The following MTRR variants were observed in gnomAD, a reference collection of about 807,000 sequenced individuals.
The protein encoded by MTRR is methionine synthase reductase.
In MTRR, 63 loss-of-function variants were observed where a neutral mutation model predicts 79.2. The ratio of observed to expected loss-of-function variants is 0.80; its 90% CI spans 0.65 to 0.98. The LOEUF is 0.98. Among genes scored for constraint, MTRR ranks in the 50% least tolerant of loss-of-function variants. The pLI is 0.00. For synonymous variants in MTRR, 355 were observed against 313.3 expected (o/e 1.13, Z -1.41); for missense variants, 895 against 839.6 (o/e 1.07, Z -0.82).
chr5:7,875,890 T>TGG (rs745542230), intron 4 of MTRR, among the ~76,000 whole-genome samples: 17 of 152,234 alleles, frequency 1.1e-4, no homozygotes, highest in Non-Finnish European at 2.5e-4. Flanking sequence ...GACGCATACT[T>TGG]TATCTTTTCA....
intron 14 of MTRR, among the ~76,000 whole-genome samples, chr5:7,897,831 C>T (rs1579833366): frequency 2.0e-5 from 3 of 152,118 alleles, no homozygotes; most frequent in African/African-American, 7.2e-5. Flanking sequence ...AAAATTTCTG[C>T]TAGTTAAAAA....
In MTRR at chr5:7,852,740, G is replaced by T. The variant is rs1257089226; in HGVS notation, n.391+1155G>T. On this transcript the variant is annotated intron_variant and non_coding_transcript_variant, in intron 1 of 3. Coordinates refer to the MTRR transcript ENST00000502509. The stretch of plus-strand genomic sequence containing the variant: ...CCTCATTAAAGCAGCAGCCAAATAT[G>T]TTTTTTTTTTTTAAGCCCTTATAAT... 8.1e-5 allele frequency among the ~76,000 whole-genome samples: 12 copies of T among 148,896 alleles called. No homozygotes were observed. In the South Asian group the frequency reaches 2.6e-3, roughly 32 times the overall value.
upstream of MTRR, chr5:7,866,989 C>A (rs773592462): frequency 1.2e-6 from 2 of 1,614,132 alleles, no homozygotes; most frequent in East Asian, 2.2e-5. Flanking sequence ...CAGGATCCAA[C>A]GTGAGGCACA....
intron 1 of MTRR, chr5:7,856,889 A>G (rs1280390929): frequency 6.6e-6 from 1 of 152,008 alleles, no homozygotes; most frequent in African/African-American, 2.4e-5. Flanking sequence ...GAAGGCAAGG[A>G]AAGGTAAAGA....
intron 2 of MTRR, among the ~76,000 whole-genome samples, chr5:7,872,078 A>G (rs1373062254): frequency 6.6e-6 from 1 of 152,142 alleles, no homozygotes; most frequent in Non-Finnish European, 1.5e-5. Flanking sequence ...GCTGTTCATA[A>G]TCTAATATCC....
intron 5 of MTRR, among the ~76,000 whole-genome samples, chr5:7,882,409 G>T (rs1735731069): frequency 6.6e-6 from 1 of 152,170 alleles, no homozygotes; most frequent in African/African-American, 2.4e-5. Context: ...AGTCTTCTTA[G>T]GGGTACATCT....
At chr5:7,882,870 GTTTAT>G (rs558982572) in intron 5 of MTRR, among the ~76,000 whole-genome samples, 136 of 152,234 alleles carry the variant, frequency 8.9e-4, no homozygotes, top group Non-Finnish European at 1.6e-3. Context: ...CCTTGACGTA[GTTTAT>G]TAGGAAAACT....
chr5:7,879,056 C>G (rs1273409999), intron 5 of MTRR, among the ~76,000 whole-genome samples: 1 of 152,070 alleles, frequency 6.6e-6, no homozygotes, highest in Non-Finnish European at 1.5e-5. Context: ...TTGTAAACAC[C>G]TGGTATGATA....
intron 1 of MTRR, chr5:7,861,679 C>A: frequency 6.3e-7 from 1 of 1,598,398 alleles, no homozygotes; most frequent in South Asian, 1.1e-5. Flanking sequence ...GGAAAAATTC[C>A]TCGTGTGATA....
Position 7,883,231 on chromosome 5 carries a change from C to T in MTRR, c.857C>T (p.Thr286Met), listed in dbSNP as rs79430644. 3.5e-4 allele frequency: 558 copies of T among 1,614,208 alleles called. 1 individual carries two copies. In the African/African-American group the frequency reaches 6.0e-3, roughly 17 times the overall value. Residue 286 changes from threonine (T) to methionine (M), a missense_variant, in exon 6 of 15, where the codon ACG becomes ATG. Physicochemically the swap from Thr to Met is moderately conservative, Grantham distance 81. Coordinates refer to ENST00000440940, the MANE Select transcript of MTRR (RefSeq NM_002454.3). ...ATTTCAAAGGCAGTTCAACTTACTA[C>T]GAATGATGCCATAAAAACCACTCTG... Reference protein sequence around the residue: ...VPISKAVQLTTNDAIKTTLLV... With the variant: ...VPISKAVQLTMNDAIKTTLLV...
chr5:7,861,393 C>A, intron 1 of MTRR: 1 of 607,792 alleles, frequency 1.6e-6, no homozygotes, highest in Admixed American at 3.7e-5. Context: ...TCAAATGAAT[C>A]ATGAATTTGA....
intron 5 of MTRR, among the ~76,000 whole-genome samples, chr5:7,879,358 A>G (rs916658631): frequency 6.6e-6 from 1 of 151,124 alleles, no homozygotes; most frequent in East Asian, 2.0e-4. Flanking sequence ...ATTAGCCGGA[A>G]GATCTGTTAA....
chr5:7,853,452 T>C (rs1383967943), intron 1 of MTRR, among the ~76,000 whole-genome samples: 1 of 152,172 alleles, frequency 6.6e-6, no homozygotes, highest in Admixed American at 6.5e-5. Flanking sequence ...AACAAACTTA[T>C]ACAGATGGCT....
chr5:7,894,536 G>C (rs1395753440), intron 11 of MTRR, among the ~76,000 whole-genome samples: 1 of 152,210 alleles, frequency 6.6e-6, no homozygotes, highest in Non-Finnish European at 1.5e-5. Context: ...GTTGTCACAG[G>C]ATCTTTGTAC....
At chr5:7,889,522 T>C (rs1737198321) in intron 9 of MTRR, among the ~76,000 whole-genome samples, 1 of 152,166 alleles carries the variant, frequency 6.6e-6, no homozygotes, top group South Asian at 2.1e-4. Flanking sequence ...GTTTTCTTTT[T>C]TTTCCTTCCA....
chr5:7,859,588 G>A (rs776110978), intron 1 of MTRR: 2 of 1,226,404 alleles, frequency 1.6e-6, no homozygotes, highest in Non-Finnish European at 2.3e-6. Context: ...AAAATCTGAG[G>A]TTCCTCTGGC....
chr5:7,867,002 G>A (rs139622048), upstream of MTRR: 125 of 1,613,970 alleles, frequency 7.7e-5, no homozygotes, highest in African/African-American at 2.8e-4. Flanking sequence ...GAGGCACACC[G>A]CAGCTACACG....
upstream of MTRR, chr5:7,866,895 C>T (rs1746995831): frequency 6.2e-7 from 1 of 1,613,980 alleles, no homozygotes; most frequent in South Asian, 1.1e-5. Flanking sequence ...GTTTGGCAAA[C>T]AAAAGTTTCT....
intron 7 of MTRR, among the ~76,000 whole-genome samples, chr5:7,886,365 A>G (rs1233795378): frequency 6.6e-6 from 1 of 152,004 alleles, no homozygotes; most frequent in African/African-American, 2.4e-5. Flanking sequence ...CATTTCCTTA[A>G]TTTTAAATAA....
Sources: gnomAD v4.1 joint callset for allele counts (sites outside exome capture counted in the v4.1 genomes callset) on GRCh38, gnomAD v4.1.1 for gene constraint, MANE v1.5 for transcripts, NCBI Gene and HGNC (gene_info 2026-07-23, HGNC 2026-07-21) for gene names.